The following VCPKMT variants were observed in gnomAD, a reference collection of about 807,000 sequenced individuals.
VCPKMT encodes the protein valosin containing protein lysine methyltransferase.
In VCPKMT, 32 loss-of-function variants were observed where a neutral mutation model predicts 28.6. That is an observed-to-expected ratio of 1.12 (90% confidence interval 0.84 to 1.50). The LOEUF (loss-of-function observed/expected upper bound fraction) is 1.50. Among genes scored for constraint, VCPKMT ranks in the 40% most tolerant of loss-of-function variants. VCPKMT has a pLI of 0.00. For synonymous variants in VCPKMT, 138 were observed against 111.4 expected (o/e 1.24, Z -1.50); for missense variants, 366 against 285.0 (o/e 1.28, Z -2.05).
chr14:50,115,642 T>C (rs1220042124), intron 3 of VCPKMT, among the ~76,000 whole-genome samples, 197 bp downstream of exon 3: 1 of 152,220 alleles, frequency 6.6e-6, no homozygotes, highest in Admixed American at 6.5e-5. Flanking sequence ...TTTCTCAACA[T>C]GCTTCACCAG....
chr14:50,114,533 G>A, intron 3 of VCPKMT, 129 bp from the exon 4 acceptor site: 3 of 623,110 alleles, frequency 4.8e-6, no homozygotes, highest in Non-Finnish European at 7.4e-6. Flanking sequence ...ATCCAACAAA[G>A]CACATGTAAT....
downstream of VCPKMT, chr14:50,106,418 T>C (rs572353322): frequency 2.6e-6 from 1 of 378,896 alleles, no homozygotes; most frequent in East Asian, 1.6e-4. Context: ...GTGTCCTGGC[T>C]GAGCCCCAGC....
the VCPKMT span, among the ~76,000 whole-genome samples, chr14:50,103,519 A>C: frequency 6.6e-6 from 1 of 152,176 alleles, no homozygotes; most frequent in African/African-American, 2.4e-5. Context: ...GAATTGAGTA[A>C]GGGTCCAGGG....
At chr14:50,115,747 A>G (rs1731061588) in intron 3 of VCPKMT, 92 bp downstream of exon 3, 7 of 1,437,720 alleles carry the variant, frequency 4.9e-6, no homozygotes, top group Non-Finnish European at 5.7e-6. Context: ...CCCGGATTCA[A>G]AGATGTTAAA....
chr14:50,115,663 T>C (rs1233242726), intron 3 of VCPKMT, among the ~76,000 whole-genome samples, 176 bp downstream of exon 3: 1 of 152,218 alleles, frequency 6.6e-6, no homozygotes, highest in Non-Finnish European at 1.5e-5. Context: ...GTCGGTATGA[T>C]AATGATGAGC....
downstream of VCPKMT, among the ~76,000 whole-genome samples, chr14:50,107,679 T>G (rs1882379533): frequency 6.6e-6 from 1 of 152,056 alleles, no homozygotes; most frequent in Non-Finnish European, 1.5e-5. Context: ...TGTATGCAAA[T>G]GATTTATCAA....
chr14:50,103,388 C>G, the VCPKMT span, among the ~76,000 whole-genome samples: 1 of 152,168 alleles, frequency 6.6e-6, no homozygotes, highest in Non-Finnish European at 1.5e-5. Flanking sequence ...TAAATATAAA[C>G]TCTGAAAATA....
At position 50,114,378 on chromosome 14, in the gene VCPKMT, T is replaced by C. The variant is rs763423695; in HGVS notation, c.477A>G (p.Leu159=). The C allele has an allele frequency of 1.3e-6, 2 of 1,568,748 alleles. No homozygotes were observed. The highest frequency in any genetic ancestry group is 2.5e-5 in the South Asian group (2 of 81,026). Reference sequence around the variant, plus strand: ...AAGTTTCAAATCCGCTGATATCTTTTAGAGTTTTCAGCAATGGCTCCAAAG... The same window carrying C: ...AAGTTTCAAATCCGCTGATATCTTTCAGAGTTTTCAGCAATGGCTCCAAAG... ...EESLEPLLKT[L]KDISGFETCI... The change falls in exon 4 of 6, where the codon CTA becomes CTG. Residue 159 remains leucine (L), a synonymous_variant. Transcript: ENST00000395860.
At chr14:50,106,268 T>C (rs1882315274), downstream of VCPKMT, among the ~76,000 whole-genome samples, 1 of 152,192 alleles carries the variant, frequency 6.6e-6, no homozygotes. Context: ...AACACTGCCT[T>C]ACTATGGGGT....
rs1308300823 is a variant in VCPKMT, at chr14:50,114,245, G to A, written c.570+40C>T. The A allele has an allele frequency of 6.2e-6, 9 of 1,455,188 alleles. No individual in the cohort carries two copies. The Admixed American group carries it at 1.0e-4, about 17-fold the overall frequency. The allele number at this position is 1,455,188 out of a possible 1,614,324, so 90.1% of individuals were successfully genotyped here. On this transcript the variant is annotated intron_variant, in intron 4 of 5. Transcript: ENST00000395860. ...AAGAGTCACATACAGCCCCCCTGAAGGGAAATCACTACAAAGATAATAGAG... is the reference window on the plus strand; with the variant it reads ...AAGAGTCACATACAGCCCCCCTGAAAGGAAATCACTACAAAGATAATAGAG...
chr14:50,109,970 G>A (rs1021394708), intron 5 of VCPKMT, among the ~76,000 whole-genome samples: 2 of 152,164 alleles, frequency 1.3e-5, no homozygotes, highest in Non-Finnish European at 2.9e-5. Context: ...CATAGGCCGG[G>A]TGTGGTGGCT....
chr14:50,116,143 T>G lies in VCPKMT; in HGVS notation c.303A>C (p.Gln101His). The G allele has an allele frequency of 1.2e-6, 2 of 1,614,120 alleles. No homozygotes were observed. The highest frequency in any genetic ancestry group is 1.7e-6 in the Non-Finnish European group (2 of 1,180,028). ...TATTAATATTCATCTTCAGCAAGTC[T>G]TGCAATTCCTCAAGATCGGTGACTA... The part of the protein sequence containing the change: ...DVVVTDLEEL[Q>H]DLLKMNINMN... The change falls in exon 2 of 6, where the codon CAA becomes CAC. Residue 101 changes from glutamine to histidine, a missense_variant. Transcript: ENST00000395860.
At position 50,109,152 on chromosome 14, in the gene VCPKMT, C is replaced by T. The variant is rs1164717966; in HGVS notation, c.*547G>A. On this transcript the variant is annotated 3_prime_UTR_variant, in exon 6 of 6. Coordinates refer to ENST00000395860, the MANE Select transcript of VCPKMT (RefSeq NM_024558.3). ...AAGTATACAAGACAATATCTCAGTT[C>T]TTTTTAAAATTAAAAGAACATTTCA... 1 of 914,484 alleles carries T rather than the reference C, an allele frequency of 1.1e-6. No individual in the cohort carries two copies. Among genetic ancestry groups the T allele is most frequent in the East Asian group, 1.2e-4 (1 of 8,524 alleles). 56.6% of individuals were successfully genotyped at this position (914,484 alleles called of 1,614,324 possible). A position where few individuals can be genotyped will look rare whatever the true frequency, so the allele number is the denominator to read the frequency against.
At chr14:50,110,922 G>GT (rs1882607009) in intron 5 of VCPKMT, among the ~76,000 whole-genome samples, 1 of 152,136 alleles carries the variant, frequency 6.6e-6, no homozygotes, top group African/African-American at 2.4e-5. Context: ...CACAGTATGT[G>GT]ACTTGTTACA....
chr14:50,111,596 G>A, intron 5 of VCPKMT: 1 of 985,394 alleles, frequency 1.0e-6, no homozygotes, highest in Non-Finnish European at 1.2e-6. Flanking sequence ...ATAGATGAAA[G>A]GCCAGGCGCA....
chr14:50,108,949 G>C lies in VCPKMT; in HGVS notation c.*750C>G. 1 of 985,408 alleles carries C rather than the reference G, an allele frequency of 1.0e-6. No homozygotes were observed. The highest frequency in any genetic ancestry group is 1.2e-6 in the Non-Finnish European group (1 of 829,912). 61.0% of individuals were successfully genotyped at this position (985,408 alleles called of 1,614,324 possible). ...CATAAAGTGCATGAGCCACGTAAGT[G>C]CATAAGCCTGAAACTGGTCTTTCTA... On this transcript the variant is annotated 3_prime_UTR_variant, in exon 6 of 6. Transcript: ENST00000395860.
intron 5 of VCPKMT, chr14:50,111,846 A>G: frequency 1.1e-6 from 1 of 918,424 alleles, no homozygotes; most frequent in Non-Finnish European, 1.3e-6. Context: ...CCGAGATTGC[A>G]CCACTGTACT....
Position 50,112,664 on chromosome 14 carries a change from T to C in VCPKMT, c.626A>G (p.Glu209Gly). The C allele has an allele frequency of 6.3e-7, 1 of 1,576,840 alleles. No homozygotes were observed. The highest frequency in any genetic ancestry group is 8.6e-7 in the Non-Finnish European group (1 of 1,158,138). The stretch of plus-strand genomic sequence containing the variant: ...AATATGAATATCTTCACTTCGATAC[T>C]CTTCATCATGTTTTTCCAAAGGAAT... ...EKIPLEKHDE[E>G]YRSEDIHIIY... The change falls in exon 5 of 6, where the codon GAG becomes GGG. Residue 209 changes from glutamate (E) to glycine (G), a missense_variant. Coordinates refer to ENST00000395860, the MANE Select transcript of VCPKMT (RefSeq NM_024558.3).
rs551697904 is a variant in VCPKMT at position 50,115,576 on chromosome 14, T to C, written c.450+263A>G. 3.9e-5 allele frequency among the ~76,000 whole-genome samples: 6 copies of C among 152,382 alleles called. No homozygotes were observed. The South Asian group carries it at 8.3e-4, about 21-fold the overall frequency. ...GATTTTGGCTTTTCATAACATCCAA[T>C]TGGCAAAATCCTTTAAAATTTTTAC... is the stretch of plus-strand genomic sequence containing the variant. On this transcript the variant is annotated intron_variant, in intron 3 of 5. Coordinates refer to ENST00000395860, the MANE Select transcript of VCPKMT (RefSeq NM_024558.3).
Sources: allele counts gnomAD v4.1 joint callset (sites outside exome capture counted in the v4.1 genomes callset), GRCh38; gene constraint gnomAD v4.1.1; transcripts MANE v1.5; gene names NCBI Gene and HGNC (gene_info 2026-07-23, HGNC 2026-07-21).